CDC40: variants seen among roughly 807,000 people sequenced by gnomAD.
The protein encoded by CDC40 is cell division cycle 40, also known as pre-mRNA-processing factor 17.
Under a neutral mutation model 80.6 loss-of-function variants are expected in CDC40, and 27 were observed. The observed-to-expected ratio is 0.33, with a 90% CI of 0.25 to 0.46. The LOEUF (loss-of-function observed/expected upper bound fraction) is 0.46, where lower values mean the gene tolerates loss of function less well. Among genes scored for constraint, CDC40 ranks in the 20% least tolerant of loss-of-function variants. The pLI, the probability that CDC40 is intolerant of heterozygous loss-of-function variation, is 1.00. For synonymous variants in CDC40, 221 were observed against 232.6 expected (o/e 0.95, Z 0.45); for missense variants, 486 against 694.1 (o/e 0.70, Z 3.37).
At chr6:110,220,768 G>A (rs1275842207) in intron 12 of CDC40, among the ~76,000 whole-genome samples, 1 of 152,100 alleles carries the variant, frequency 6.6e-6, no homozygotes, top group African/African-American at 2.4e-5. Context: ...TTACATGGCG[G>A]CAGCAAGAGA....
intron 12 of CDC40, 44 bp from the exon 13 acceptor site, chr6:110,226,123 T>C: frequency 9.7e-7 from 1 of 1,034,276 alleles, no homozygotes; most frequent in South Asian, 1.3e-5. Flanking sequence ...CTGAAGGTAC[T>C]TTTTAAAAGT....
At chr6:110,188,204 T>A (rs571614288) in intron 1 of CDC40, among the ~76,000 whole-genome samples, 1 of 152,242 alleles carries the variant, frequency 6.6e-6, no homozygotes, top group Admixed American at 6.5e-5. Context: ...ATTGGAAAGA[T>A]CTCATATCCC....
Position 110,214,778 on chromosome 6 carries a change from A to T in CDC40, c.943-508A>T, listed in dbSNP as rs957659787. ...CACCTTAGATATGCTGAGAATTATG[A>T]GCCTTTTATTTTAGTCTAGATCATC... On this transcript the variant is annotated intron_variant, in intron 8 of 14. Transcript: ENST00000307731. 3.2e-4 allele frequency among the ~76,000 whole-genome samples: 47 copies of T among 144,804 alleles called. 1 individual carries two copies. Among genetic ancestry groups the T allele is most frequent in the Admixed American group, 2.9e-3 (43 of 14,966 alleles). The allele number at this position is 144,804 out of a possible 152,430, so 95.0% of individuals were successfully genotyped here.
chr6:110,225,589 C>G (rs1035864447), intron 12 of CDC40, among the ~76,000 whole-genome samples: 9 of 152,094 alleles, frequency 5.9e-5, no homozygotes, highest in African/African-American at 2.2e-4. Context: ...GATCAGCTCA[C>G]AGATCCCTAC....
At chr6:110,188,221 T>G (rs1554206766) in intron 1 of CDC40, among the ~76,000 whole-genome samples, 1 of 152,218 alleles carries the variant, frequency 6.6e-6, no homozygotes, top group Non-Finnish European at 1.5e-5. Flanking sequence ...TCCCATATTA[T>G]AAAGTGGTTC....
At chr6:110,219,074 T>A (rs1422367490) in intron 10 of CDC40, among the ~76,000 whole-genome samples, 2 of 152,218 alleles carry the variant, frequency 1.3e-5, no homozygotes, top group Admixed American at 1.3e-4. Context: ...TGAGATTCCC[T>A]CATGGCTTGT....
chr6:110,207,523 T>A lies in CDC40; in HGVS notation c.424T>A (p.Ser142Thr). The A allele has an allele frequency of 6.3e-7, 1 of 1,597,564 alleles. No individual in the cohort carries two copies. The highest frequency in any genetic ancestry group is 8.6e-7 in the Non-Finnish European group (1 of 1,165,862). Reference protein sequence around the residue: ...FATYGYALDPSLDNHQVSAKY... With the variant: ...FATYGYALDPTLDNHQVSAKY... ...GCTTTCAGGTTATGCATTAGACCCT[T>A]CATTAGATAATCATCAAGTGTCTGC... Residue 142 changes from serine to threonine, a missense_variant, in exon 4 of 15, where the codon TCA becomes ACA. Physicochemically the swap from Ser to Thr is moderately conservative, Grantham distance 58. This residue lies in a region of CDC40 where 381 missense variants were observed against 492.1 expected (regional missense o/e 0.77). Coordinates refer to ENST00000307731, the MANE Select transcript of CDC40 (RefSeq NM_015891.3).
In CDC40 at chr6:110,193,164, A is replaced by G; in HGVS notation, c.190-18A>G. On this transcript the variant is annotated intron_variant, in intron 1 of 14. Transcript: ENST00000307731. ...GTCATTTATCAGATCATTAATATTT[A>G]TTTGGTATTCTTTTTAGGAAGATTT... The G allele has an allele frequency of 1.4e-6, 2 of 1,471,418 alleles. No homozygotes were observed. Among genetic ancestry groups the G allele is most frequent in the Non-Finnish European group, 1.9e-6 (2 of 1,051,334 alleles). 91.1% of individuals were successfully genotyped at this position (1,471,418 alleles called of 1,614,324 possible).
chr6:110,223,361 A>AC (rs1777803218), intron 12 of CDC40, among the ~76,000 whole-genome samples: 1 of 152,162 alleles, frequency 6.6e-6, no homozygotes, highest in South Asian at 2.1e-4. Context: ...TGGTTAGATG[A>AC]ATGAGGGGAC....
intron 2 of CDC40, among the ~76,000 whole-genome samples, chr6:110,199,335 A>G (rs538474449): frequency 1.1e-4 from 16 of 151,974 alleles, no homozygotes; most frequent in African/African-American, 3.4e-4. Flanking sequence ...GCTCATGCCT[A>G]TAGACATCCC....
At chr6:110,186,083 G>A (rs889440649) in intron 1 of CDC40, among the ~76,000 whole-genome samples, 1 of 152,064 alleles carries the variant, frequency 6.6e-6, no homozygotes, top group Non-Finnish European at 1.5e-5. Context: ...GTTGTTGTCT[G>A]GTATAATACA....
intron 1 of CDC40, among the ~76,000 whole-genome samples, chr6:110,182,466 T>G (rs76256333): frequency 0.04 from 6,050 of 152,340 alleles, 140 homozygotes; most frequent in East Asian, 0.12. Context: ...CCTATTTTGA[T>G]CTGTCATCCC....
At chr6:110,210,593 G>T in intron 5 of CDC40, 114 bp from the exon 6 acceptor site, 1 of 387,854 alleles carries the variant, frequency 2.6e-6, no homozygotes, top group Non-Finnish European at 4.6e-6. Context: ...TTGTTATCCT[G>T]GGAACATACT....
chr6:110,189,980 A>G (rs1472593389), intron 1 of CDC40, among the ~76,000 whole-genome samples: 3 of 152,208 alleles, frequency 2.0e-5, no homozygotes, highest in Non-Finnish European at 4.4e-5. Flanking sequence ...GGTCAGCCTT[A>G]TCCTACTTAA....
intron 5 of CDC40, among the ~76,000 whole-genome samples, chr6:110,209,637 A>G (rs1777609052): frequency 6.6e-6 from 1 of 152,132 alleles, no homozygotes; most frequent in South Asian, 2.1e-4. Context: ...ATCTCTATAT[A>G]TATCTTAAAA....
At chr6:110,227,539 C>T (rs1584086564) in intron 13 of CDC40, among the ~76,000 whole-genome samples, 1 of 152,146 alleles carries the variant, frequency 6.6e-6, no homozygotes, top group African/African-American at 2.4e-5. Flanking sequence ...TTGAACAAGG[C>T]CATTTACCCA....
chr6:110,209,193 G>A lies in CDC40; in HGVS notation c.600G>A (p.Val200=). 1 of 1,612,598 alleles carries A rather than the reference G, an allele frequency of 6.2e-7. No individual in the cohort carries two copies. Among genetic ancestry groups the A allele is most frequent in the Non-Finnish European group, 8.5e-7 (1 of 1,178,990 alleles). ...DGFLGPWAKY[V]DEKDVAKPSE... ...TTTTGGGACCATGGGCAAAATATGT[G>A]GATGAAAAAGATGTAGCCAAACCTT... The change falls in exon 5 of 15, where the codon GTG becomes GTA. Residue 200 remains valine, a synonymous_variant. Coordinates refer to ENST00000307731, the MANE Select transcript of CDC40 (RefSeq NM_015891.3).
chr6:110,180,579 A>G lies in CDC40; in HGVS notation c.135A>G (p.Ser45=), dbSNP rs1274917897. The change falls in exon 1 of 15, where the codon TCA becomes TCG. Residue 45 remains serine (S), a synonymous_variant. Transcript: ENST00000307731. ...TCATGCACTTGACTAAATCGCCTTCATCAAAGCCGTCTCTAGCAGTGGCAG... is the reference window on the plus strand; with the variant it reads ...TCATGCACTTGACTAAATCGCCTTCGTCAAAGCCGTCTCTAGCAGTGGCAG... ...DSLMHLTKSP[S]SKPSLAVAVD... The G allele has an allele frequency of 6.2e-7, 1 of 1,614,174 alleles. No individual in the cohort carries two copies. Among genetic ancestry groups the G allele is most frequent in the African/African-American group, 1.3e-5 (1 of 75,040 alleles).
rs1162839352 is a variant in CDC40, at chr6:110,232,132, T to G, written c.*2001T>G. On this transcript the variant is annotated 3_prime_UTR_variant, in exon 15 of 15. Transcript: ENST00000307731. The stretch of plus-strand genomic sequence containing the variant: ...ATTTCTAAATCTGGATTGATTCTGT[T>G]GTGTTTTTGACTGTTTCTAAAGTAA... 2 of 152,468 alleles carry G rather than the reference T, an allele frequency of 1.3e-5. No homozygotes were observed. Among genetic ancestry groups the G allele is most frequent in the Non-Finnish European group, 2.9e-5 (2 of 68,024 alleles). 9.4% of individuals were successfully genotyped at this position (152,468 alleles called of 1,614,324 possible).
Sources: gnomAD v4.1 joint callset for allele counts (sites outside exome capture counted in the v4.1 genomes callset) on GRCh38, gnomAD v4.1.1 for gene constraint, gnomAD v4.1.1 regional missense constraint, MANE v1.5 for transcripts, NCBI Gene and HGNC (gene_info 2026-07-23, HGNC 2026-07-21) for gene names.